The following IFT88 variants were observed in gnomAD, a reference collection of about 807,000 sequenced individuals.
The protein encoded by IFT88 is intraflagellar transport 88.
IFT88 carries 74 observed loss-of-function variants against 119.5 expected under a neutral mutation model. That is an observed-to-expected ratio of 0.62 (90% CI 0.51 to 0.75). The LOEUF (loss-of-function observed/expected upper bound fraction) is 0.75, where lower values mean the gene tolerates loss of function less well. IFT88 is among the 30% of genes least tolerant of loss of function. The probability of loss-of-function intolerance (pLI) is 0.00; values close to 1 mark genes in which losing one functional copy is unlikely to be tolerated. For synonymous variants in IFT88, 279 were observed against 316.7 expected (o/e 0.88, Z 1.26); for missense variants, 961 against 977.7 (o/e 0.98, Z 0.23).
At chr13:20,662,779 C>G (rs1284118649) in intron 22 of IFT88, among the ~76,000 whole-genome samples, 2 of 152,080 alleles carry the variant, frequency 1.3e-5, no homozygotes, top group Non-Finnish European at 2.9e-5. Context: ...TAAAATGTTG[C>G]TAATTTTAGA....
chr13:20,568,877 T>C (rs568901756), intron 1 of IFT88, among the ~76,000 whole-genome samples: 1 of 152,020 alleles, frequency 6.6e-6, no homozygotes, highest in Non-Finnish European at 1.5e-5. Flanking sequence ...CCCGCCACCA[T>C]GCCCAGCTAA....
intron 16 of IFT88, among the ~76,000 whole-genome samples, chr13:20,635,892 A>C (rs2480424): frequency 0.21 from 32,161 of 152,014 alleles, 3,931 homozygotes; most frequent in African/African-American, 0.31. Context: ...TTTTTAACCT[A>C]AAGTAAAAAA....
At chr13:20,604,155 G>T (rs1207092532) in intron 12 of IFT88, among the ~76,000 whole-genome samples, 1 of 152,156 alleles carries the variant, frequency 6.6e-6, no homozygotes. Flanking sequence ...GTGGGAAGAT[G>T]GCTTGAGCCC....
Position 20,691,297 on chromosome 13 carries a change from T to A in IFT88, c.*122T>A. 1 of 899,746 alleles carries A rather than the reference T, an allele frequency of 1.1e-6. No homozygotes were observed. Among genetic ancestry groups the A allele is most frequent in the Non-Finnish European group, 1.6e-6 (1 of 609,472 alleles). The allele number at this position is 899,746 out of a possible 1,614,324, so 55.7% of individuals were successfully genotyped here. ...TTCACTGTCAAAACTTAAGTAAGTG[T>A]ATTCTATTCTGTATGTATGCATTTA... is the stretch of plus-strand genomic sequence containing the variant. On this transcript the variant is annotated 3_prime_UTR_variant, in exon 26 of 26. Coordinates refer to ENST00000351808, the MANE Select transcript of IFT88 (RefSeq NM_006531.5).
At chr13:20,588,154 C>T in intron 3 of IFT88, among the ~76,000 whole-genome samples, 1 of 151,906 alleles carries the variant, frequency 6.6e-6, no homozygotes. Flanking sequence ...TTATGATACT[C>T]ATCTCTAACT....
chr13:20,668,664 T>A (rs2055199252), intron 23 of IFT88, among the ~76,000 whole-genome samples: 1 of 151,608 alleles, frequency 6.6e-6, no homozygotes, highest in South Asian at 2.1e-4. Flanking sequence ...ACCGGTAGAG[T>A]CGGACCCTGA....
chr13:20,601,719 A>G lies in IFT88; in HGVS notation c.827A>G (p.Gln276Arg). Residue 276 changes from glutamine (Q) to arginine (R), a missense_variant, in exon 12 of 26, where the codon CAG becomes CGG. Gln to Arg is a conservative substitution (Grantham distance 43). Coordinates refer to ENST00000351808, the MANE Select transcript of IFT88 (RefSeq NM_006531.5). ...TTTTCTTTTAGGATTAAAATAATGC[A>G]GAATATTGGAGTTACATTTATTCAG... is the stretch of plus-strand genomic sequence containing the variant. Reference protein sequence around the residue: ...VNKQMRIKIMQNIGVTFIQAG... With the variant: ...VNKQMRIKIMRNIGVTFIQAG... 6.3e-7 allele frequency: 1 copy of G among 1,599,294 alleles called. No homozygotes were observed. The highest frequency in any genetic ancestry group is 2.2e-5 in the East Asian group (1 of 44,732).
chr13:20,662,912 C>T (rs891379969), intron 22 of IFT88, among the ~76,000 whole-genome samples: 2 of 152,084 alleles, frequency 1.3e-5, no homozygotes, highest in South Asian at 2.1e-4. Context: ...ATAAAGTGAT[C>T]GAAGATTTTG....
chr13:20,587,725 C>G (rs2039945483), intron 3 of IFT88, among the ~76,000 whole-genome samples: 1 of 152,020 alleles, frequency 6.6e-6, no homozygotes, highest in African/African-American at 2.4e-5. Flanking sequence ...GCCTCTATCT[C>G]TAGTAATGCT....
chr13:20,638,737 A>G (rs1241735604), intron 17 of IFT88, among the ~76,000 whole-genome samples: 1 of 152,212 alleles, frequency 6.6e-6, no homozygotes, highest in Admixed American at 6.5e-5. Context: ...GGCTTGCCAT[A>G]CTGCCCTCCA....
intron 14 of IFT88, among the ~76,000 whole-genome samples, chr13:20,618,061 C>T (rs1204422455): frequency 1.3e-5 from 2 of 152,130 alleles, no homozygotes; most frequent in Non-Finnish European, 2.9e-5. Context: ...GGATTACAGG[C>T]GAAAGCCACC....
At chr13:20,673,985 TC>T (rs1201354972) in intron 24 of IFT88, among the ~76,000 whole-genome samples, 1 of 152,198 alleles carries the variant, frequency 6.6e-6, no homozygotes, top group Non-Finnish European at 1.5e-5. Context: ...GCCTTTTCGT[TC>T]CTTATTTTCT....
chr13:20,683,653 G>A (rs1373779532), intron 24 of IFT88, among the ~76,000 whole-genome samples: 2 of 152,158 alleles, frequency 1.3e-5, no homozygotes, highest in African/African-American at 2.4e-5. Flanking sequence ...GGAAATGTCC[G>A]CTCCTGTATC....
At chr13:20,644,467 A>G (rs1339546256) in intron 19 of IFT88, among the ~76,000 whole-genome samples, 7 of 151,982 alleles carry the variant, frequency 4.6e-5, no homozygotes, top group African/African-American at 7.2e-5. Flanking sequence ...CATTTACTAC[A>G]CTCCAGGCTG....
chr13:20,567,601 A>C (rs1429567958), intron 1 of IFT88: 11 of 352,932 alleles, frequency 3.1e-5, no homozygotes, highest in Non-Finnish European at 4.1e-5. Context: ...AAACCCAGTT[A>C]GATTACTGCG....
intron 24 of IFT88, among the ~76,000 whole-genome samples, chr13:20,678,801 C>T (rs1396684336): frequency 6.6e-6 from 1 of 152,160 alleles, no homozygotes; most frequent in Non-Finnish European, 1.5e-5. Context: ...GCGATAAAGA[C>T]AAAGGCAGCT....
intron 14 of IFT88, among the ~76,000 whole-genome samples, chr13:20,620,858 C>T (rs1332213448): frequency 6.6e-6 from 1 of 152,102 alleles, no homozygotes; most frequent in Non-Finnish European, 1.5e-5. Flanking sequence ...GGAATTAGTG[C>T]CCTTATAAAA....
Position 20,598,711 on chromosome 13 carries a change from A to T in IFT88, c.655A>T (p.Thr219Ser). ...TGAAATGTATGCCGAAGCACTTAAC[A>T]CTTATCAAGTTATAGTCAAAAATAA... is the stretch of plus-strand genomic sequence containing the variant. ...VNEMYAEALN[T>S]YQVIVKNKMF... The change falls in exon 10 of 26, where the codon ACT becomes TCT. Residue 219 changes from threonine to serine, a missense_variant. Physicochemically the swap from Thr to Ser is moderately conservative, Grantham distance 58. Coordinates refer to ENST00000351808, the MANE Select transcript of IFT88 (RefSeq NM_006531.5). The T allele has an allele frequency of 6.2e-7, 1 of 1,611,056 alleles. No homozygotes were observed. Among genetic ancestry groups the T allele is most frequent in the Non-Finnish European group, 8.5e-7 (1 of 1,177,946 alleles).
At chr13:20,615,343 A>G (rs1035840470) in intron 13 of IFT88, among the ~76,000 whole-genome samples, 1 of 152,208 alleles carries the variant, frequency 6.6e-6, no homozygotes, top group Admixed American at 6.5e-5. Flanking sequence ...ACGTACGTGT[A>G]CATATACATA....
Sources: gnomAD v4.1 joint callset for allele counts (sites outside exome capture counted in the v4.1 genomes callset) on GRCh38, gnomAD v4.1.1 for gene constraint, MANE v1.5 for transcripts, NCBI Gene and HGNC (gene_info 2026-07-23, HGNC 2026-07-21) for gene names.